Variants in LIN9 observed in about 807,000 individuals in gnomAD.
The protein encoded by LIN9 is protein lin-9 homolog.
In LIN9, 18 loss-of-function variants were observed where a neutral mutation model predicts 78.0. The observed-to-expected ratio is 0.23, with a 90% CI of 0.16 to 0.34. LIN9 has a LOEUF of 0.34. LIN9 is among the 10% of genes least tolerant of loss of function. The pLI is 1.00. For missense variants in LIN9, 451 were observed against 644.1 expected, an observed-to-expected ratio of 0.70 and a Z score of 3.25; for synonymous variants, 192 against 215.2, an observed-to-expected ratio of 0.89 and a Z score of 0.94.
chr1:226,263,686 G>A (rs1659739969), intron 10 of LIN9, among the ~76,000 whole-genome samples: 1 of 152,096 alleles, frequency 6.6e-6, no homozygotes, highest in African/African-American at 2.4e-5. Flanking sequence ...ATAAGTCTTT[G>A]CTCTTATCAC....
chr1:226,282,023 AC>A (rs768050310), intron 6 of LIN9, among the ~76,000 whole-genome samples: 59 of 152,036 alleles, frequency 3.9e-4, no homozygotes, highest in Non-Finnish European at 7.2e-4. Flanking sequence ...CTTTGTTGAC[AC>A]CTTAGACATA....
chr1:226,289,553 G>A (rs949620544), intron 4 of LIN9, among the ~76,000 whole-genome samples: 1 of 151,912 alleles, frequency 6.6e-6, no homozygotes, highest in Non-Finnish European at 1.5e-5. Context: ...TGTGGAGACG[G>A]GCTCTCGCTA....
chr1:226,288,931 A>G (rs1661549429), intron 4 of LIN9, among the ~76,000 whole-genome samples: 1 of 152,180 alleles, frequency 6.6e-6, no homozygotes, highest in Non-Finnish European at 1.5e-5. Context: ...AAATAAATGC[A>G]CAAAAATATT....
intron 6 of LIN9, among the ~76,000 whole-genome samples, chr1:226,279,957 G>A (rs1349385265): frequency 6.6e-6 from 1 of 151,922 alleles, no homozygotes; most frequent in Admixed American, 6.6e-5. Flanking sequence ...GATCTCATAG[G>A]GACCAAGTTC....
rs1395067211 is a variant in LIN9, at chr1:226,287,783, T to G, written c.279A>C (p.Thr93=). The change falls in exon 5 of 15, where the codon ACA becomes ACC. Residue 93 remains threonine (T), a synonymous_variant. Coordinates refer to ENST00000681046, the MANE Select transcript of LIN9 (RefSeq NM_001366245.2). ...AAGCTTTCTTATCTGGTGTTGACAT[T>G]GTTGCTGTAAATTTCTATACAATAA... The part of the protein sequence containing the change: ...VAMVPQKFTA[T]MSTPDKKASQ... 4 of 1,551,964 alleles carry G rather than the reference T, an allele frequency of 2.6e-6. No homozygotes were observed. Among genetic ancestry groups the G allele is most frequent in the Non-Finnish European group, 3.4e-6 (4 of 1,160,306 alleles).
intron 6 of LIN9, among the ~76,000 whole-genome samples, chr1:226,283,801 A>C (rs1413231988): frequency 6.6e-6 from 1 of 152,032 alleles, no homozygotes; most frequent in African/African-American, 2.4e-5. Context: ...TACAAAAGTT[A>C]GCCAGGCATG....
intron 10 of LIN9, among the ~76,000 whole-genome samples, chr1:226,252,318 A>AAATAAATAAATG (rs377430075): frequency 3.7e-4 from 50 of 136,002 alleles, no homozygotes; most frequent in African/African-American, 8.2e-4. Flanking sequence ...ATAAATAAAT[A>AAATAAATAAATG]AATGAATGAA....
intron 6 of LIN9, among the ~76,000 whole-genome samples, chr1:226,280,799 A>C (rs1359545364): frequency 1.3e-5 from 2 of 152,104 alleles, no homozygotes; most frequent in African/African-American, 2.4e-5. Context: ...AACAAAAAAA[A>C]CCAGACTTGC....
Position 226,233,391 on chromosome 1 carries a change from G to A in LIN9, c.1378C>T (p.Leu460=). 2 of 1,613,604 alleles carry A rather than the reference G, an allele frequency of 1.2e-6. No individual in the cohort carries two copies. Among genetic ancestry groups the A allele is most frequent in the Non-Finnish European group, 1.7e-6 (2 of 1,179,848 alleles). Residue 460 remains leucine, a synonymous_variant, in exon 13 of 15, where the codon CTG becomes TTG. Coordinates refer to ENST00000681046, the MANE Select transcript of LIN9 (RefSeq NM_001366245.2). ...TGQPCVENEN[L]TDLISRLTAI... is the part of the protein sequence containing the mutation. Reference sequence around the variant, plus strand: ...GTAAGCCTGGAAATTAAGTCTGTCAGATTTTCATTTTCAACGCAGGGCTGT... The same window carrying A: ...GTAAGCCTGGAAATTAAGTCTGTCAAATTTTCATTTTCAACGCAGGGCTGT...
chr1:226,250,783 T>C (rs1218411189), intron 11 of LIN9, 56 bp downstream of exon 11: 6 of 848,078 alleles, frequency 7.1e-6, no homozygotes, highest in Non-Finnish European at 1.2e-5. Context: ...ATATAGATGG[T>C]CTCACTATTT....
At chr1:226,298,992 G>C (rs913334895) in intron 2 of LIN9, among the ~76,000 whole-genome samples, 2 of 151,962 alleles carry the variant, frequency 1.3e-5, no homozygotes, top group Non-Finnish European at 2.9e-5. Context: ...GAATTCTATC[G>C]AATAGACATA....
chr1:226,284,691 T>A (rs1266546639), intron 6 of LIN9, among the ~76,000 whole-genome samples: 1 of 152,110 alleles, frequency 6.6e-6, no homozygotes, highest in Non-Finnish European at 1.5e-5. Flanking sequence ...GCCACTGCAC[T>A]CCAGCCTGGG....
intron 4 of LIN9, among the ~76,000 whole-genome samples, chr1:226,291,133 C>A (rs192544195): frequency 6.7e-4 from 102 of 152,292 alleles, no homozygotes; most frequent in African/African-American, 2.3e-3. Flanking sequence ...TCCAGCAATT[C>A]CACATCTTAG....
At position 226,290,901 on chromosome 1, in the gene LIN9, C is replaced by T. The variant is rs367876482; in HGVS notation, c.265-3104G>A. 7.2e-5 allele frequency among the ~76,000 whole-genome samples: 11 copies of T among 152,202 alleles called. No homozygotes were observed. In the South Asian group the frequency reaches 1.7e-3, roughly 23 times the overall value. On this transcript the variant is annotated intron_variant, in intron 4 of 14. Transcript: ENST00000681046. ...CCTCCCGAGTAGCTGGGACTACAGG[C>T]ACGTGCCGCCACACCTGGCTAATTT...
intron 11 of LIN9, 33 bp from the exon 12 acceptor site, chr1:226,239,129 A>G: frequency 6.2e-7 from 1 of 1,605,680 alleles, no homozygotes; most frequent in Non-Finnish European, 8.5e-7. Context: ...TCTTGGTAAG[A>G]GTTTGTTTTT....
chr1:226,300,901 C>T (rs1662491488), intron 2 of LIN9, among the ~76,000 whole-genome samples: 1 of 152,072 alleles, frequency 6.6e-6, no homozygotes, highest in Non-Finnish European at 1.5e-5. Flanking sequence ...TCAGCACAGT[C>T]GTTTAACAAA....
At chr1:226,293,784 C>G (rs1414657471) in intron 4 of LIN9, among the ~76,000 whole-genome samples, 1 of 152,176 alleles carries the variant, frequency 6.6e-6, no homozygotes, top group African/African-American at 2.4e-5. Context: ...TCTCAAACTC[C>G]TGACATCAAG....
intron 2 of LIN9, among the ~76,000 whole-genome samples, chr1:226,300,288 T>C (rs1318764462): frequency 6.6e-6 from 1 of 152,072 alleles, no homozygotes; most frequent in Admixed American, 6.5e-5. Context: ...TGGTGGCTCA[T>C]GCCTGTAATC....
chr1:226,272,872 CT>C (rs1367062954), intron 7 of LIN9, among the ~76,000 whole-genome samples: 3 of 152,112 alleles, frequency 2.0e-5, no homozygotes, highest in African/African-American at 7.2e-5. Context: ...AGCTTGGGGC[CT>C]TCACAGCCTC....
Sources: gnomAD v4.1 joint callset for allele counts (sites outside exome capture counted in the v4.1 genomes callset) on GRCh38, gnomAD v4.1.1 for gene constraint, MANE v1.5 for transcripts, NCBI Gene and HGNC (gene_info 2026-07-23, HGNC 2026-07-21) for gene names.